TNPO1: variants seen among roughly 807,000 people sequenced by gnomAD.
The protein encoded by TNPO1 is transportin 1, also known as transportin-1.
Under a neutral mutation model 119.5 loss-of-function variants are expected in TNPO1, and 8 were observed. The ratio of observed to expected loss-of-function variants is 0.07; its 90% CI spans 0.04 to 0.12. TNPO1 has a LOEUF of 0.12. Among genes scored for constraint, TNPO1 ranks in the 10% least tolerant of loss-of-function variants. The probability of loss-of-function intolerance (pLI) is 1.00; values close to 1 mark genes in which losing one functional copy is unlikely to be tolerated. For missense variants in TNPO1, 576 were observed against 1,089.8 expected (o/e 0.53, Z 6.64); for synonymous variants, 362 against 363.0 (o/e 1.00, Z 0.03).
Position 72,888,079 on chromosome 5 carries a change from T to C in TNPO1, c.1305T>C (p.Gly435=). The change falls in exon 13 of 25, where the codon GGT becomes GGC. Residue 435 remains glycine (G), a splice_region_variant and synonymous_variant. Transcript: ENST00000337273. ...GILVLGAIAE[G]CMQGMIPYLP... is the part of the protein sequence containing the mutation. ...TTGAAAGATTTATTTTTTTTCTAGG[T>C]TGCATGCAGGGCATGATTCCATACT... 6.2e-7 allele frequency: 1 copy of C among 1,608,846 alleles called. No homozygotes were observed. The highest frequency in any genetic ancestry group is 8.5e-7 in the Non-Finnish European group (1 of 1,178,038).
intron 4 of TNPO1, among the ~76,000 whole-genome samples, chr5:72,861,489 C>T (rs1192104887): frequency 6.6e-6 from 1 of 152,118 alleles, no homozygotes; most frequent in East Asian, 1.9e-4. Context: ...GCAGCCTCGA[C>T]CTCCTTGACT....
At chr5:72,879,276 T>C (rs1748051784) in intron 9 of TNPO1, 1 of 161,404 alleles carries the variant, frequency 6.2e-6, no homozygotes, top group Non-Finnish European at 1.3e-5. Flanking sequence ...ATTTTATTAA[T>C]GAAAACCTAG....
intron 4 of TNPO1, among the ~76,000 whole-genome samples, chr5:72,858,125 A>G (rs1746143348): frequency 6.6e-6 from 1 of 152,192 alleles, no homozygotes; most frequent in Non-Finnish European, 1.5e-5. Flanking sequence ...TTGCTTTACT[A>G]CAGATGAAGG....
At chr5:72,897,005 T>C in intron 19 of TNPO1, 51 bp from the exon 20 acceptor site, 2 of 1,172,698 alleles carry the variant, frequency 1.7e-6, no homozygotes, top group Non-Finnish European at 2.4e-6. Flanking sequence ...ATTGATATTT[T>C]AACGTTCAAT....
At chr5:72,861,493 C>A (rs1180777536) in intron 4 of TNPO1, among the ~76,000 whole-genome samples, 1 of 152,090 alleles carries the variant, frequency 6.6e-6, no homozygotes, top group Non-Finnish European at 1.5e-5. Flanking sequence ...CCTCGACCTC[C>A]TTGACTCAGG....
At chr5:72,883,027 T>C (rs760819801) in intron 10 of TNPO1, 37 bp from the exon 11 acceptor site, 2 of 1,504,724 alleles carry the variant, frequency 1.3e-6, no homozygotes, top group South Asian at 1.1e-5. Context: ...TAGCCTATAA[T>C]GAATGCCACC....
intron 2 of TNPO1, among the ~76,000 whole-genome samples, chr5:72,850,803 T>C (rs1745486500): frequency 6.6e-6 from 1 of 152,230 alleles, no homozygotes; most frequent in African/African-American, 2.4e-5. Flanking sequence ...CTGAGAAGTA[T>C]CTTTTTTTTA....
chr5:72,872,545 C>T (rs926098640), intron 6 of TNPO1, 94 bp from the exon 7 acceptor site: 1 of 768,746 alleles, frequency 1.3e-6, no homozygotes, highest in Non-Finnish European at 2.1e-6. Flanking sequence ...ATAGACATAT[C>T]ATAATATTTT....
chr5:72,872,298 A>G (rs1181986775), intron 6 of TNPO1, among the ~76,000 whole-genome samples: 4 of 152,150 alleles, frequency 2.6e-5, no homozygotes, highest in Non-Finnish European at 1.5e-5. Context: ...TTCAAAAGGA[A>G]TGTTTACCTA....
At chr5:72,895,178 C>T (rs1259942724) in intron 18 of TNPO1, among the ~76,000 whole-genome samples, 1 of 152,116 alleles carries the variant, frequency 6.6e-6, no homozygotes, top group Non-Finnish European at 1.5e-5. Flanking sequence ...GTTTCCTTTA[C>T]TGTGGATTTT....
At chr5:72,882,636 A>C in intron 10 of TNPO1, 109 bp downstream of exon 10, 1 of 705,328 alleles carries the variant, frequency 1.4e-6, no homozygotes, top group East Asian at 2.6e-5. Context: ...CTGTAAATAG[A>C]CTTCCTATTA....
chr5:72,883,036 C>G, intron 10 of TNPO1, 28 bp from the exon 11 acceptor site: 1 of 1,572,580 alleles, frequency 6.4e-7, no homozygotes, highest in African/African-American at 1.4e-5. Flanking sequence ...ATGAATGCCA[C>G]CAAAAATTTC....
At position 72,855,197 on chromosome 5, in the gene TNPO1, T is replaced by C. The variant is rs570566312; in HGVS notation, c.206-577T>C. On this transcript the variant is annotated intron_variant, in intron 3 of 24. Coordinates refer to ENST00000337273, the MANE Select transcript of TNPO1 (RefSeq NM_002270.4). ...TTTTAGTAGATACGGGGTTTCACCA[T>C]GTAGGCCGGTCTGGTCTCGAACTCC... 8.0e-4 allele frequency among the ~76,000 whole-genome samples: 121 copies of C among 152,076 alleles called. 2 individuals are homozygous for C. The highest frequency in any genetic ancestry group is 7.6e-3 in the Admixed American group (116 of 15,274).
chr5:72,884,555 AAT>A (rs1748481622), intron 11 of TNPO1, among the ~76,000 whole-genome samples: 1 of 152,130 alleles, frequency 6.6e-6, no homozygotes, highest in Non-Finnish European at 1.5e-5. Context: ...TGCTTCTTAA[AAT>A]ATGTTAATTT....
At chr5:72,863,290 A>C (rs1170905603) in intron 5 of TNPO1, among the ~76,000 whole-genome samples, 3 of 152,198 alleles carry the variant, frequency 2.0e-5, no homozygotes, top group Admixed American at 1.3e-4. Flanking sequence ...TCAACAACAA[A>C]AAAACCCCAC....
At position 72,895,910 on chromosome 5, in the gene TNPO1, T is replaced by G. The variant is rs142565392; in HGVS notation, c.2144-548T>G. Among the ~76,000 whole-genome samples, 86 of 152,354 alleles carry G rather than the reference T, an allele frequency of 5.6e-4. 2 individuals are homozygous for G. The highest frequency in any genetic ancestry group is 1.9e-3 in the African/African-American group (79 of 41,600). On this transcript the variant is annotated intron_variant, in intron 18 of 24. Coordinates refer to ENST00000337273, the MANE Select transcript of TNPO1 (RefSeq NM_002270.4). ...CTTCATGATGTTCAAGCTGTTGTAC[T>G]GCTTGCAGTGAGAACTTAAGTTGGC...
chr5:72,862,960 G>A (rs1746574111), intron 5 of TNPO1, among the ~76,000 whole-genome samples: 1 of 149,844 alleles, frequency 6.7e-6, no homozygotes, highest in Admixed American at 6.6e-5. Context: ...TGTCTTCGTT[G>A]TAATCATACA....
At chr5:72,871,229 G>A (rs1226873103) in intron 6 of TNPO1, among the ~76,000 whole-genome samples, 4 of 151,966 alleles carry the variant, frequency 2.6e-5, no homozygotes, top group Non-Finnish European at 5.9e-5. Flanking sequence ...CGCCCGCCTC[G>A]GCCTCCCAAA....
At chr5:72,858,205 G>A (rs1746148579) in intron 4 of TNPO1, among the ~76,000 whole-genome samples, 2 of 151,426 alleles carry the variant, frequency 1.3e-5, no homozygotes, top group Admixed American at 6.6e-5. Flanking sequence ...AAGCAATTAG[G>A]AATGTGAAGG....
Sources: allele counts gnomAD v4.1 joint callset (sites outside exome capture counted in the v4.1 genomes callset), GRCh38; gene constraint gnomAD v4.1.1; transcripts MANE v1.5; gene names NCBI Gene and HGNC (gene_info 2026-07-23, HGNC 2026-07-21).